The following CASK variants were observed in gnomAD, a reference collection of about 807,000 sequenced individuals.
CASK encodes the protein calcium/calmodulin dependent serine protein kinase, also known as peripheral plasma membrane protein CASK.
In CASK, 4 loss-of-function variants were observed where a neutral mutation model predicts 82.9. The observed-to-expected ratio is 0.05, with a 90% CI of 0.02 to 0.11. The LOEUF (loss-of-function observed/expected upper bound fraction) is 0.11, where lower values mean the gene tolerates loss of function less well. Among genes scored for constraint, CASK ranks in the 10% least tolerant of loss-of-function variants. The pLI is 1.00. For missense variants in CASK, 358 were observed against 720.9 expected (o/e 0.50, Z 5.76); for synonymous variants, 259 against 253.5 (o/e 1.02, Z -0.20).
chrX:41,562,645 AT>A (rs1041603948), intron 16 of CASK: 1 of 112,119 alleles, frequency 8.9e-6, no homozygotes, highest in African/African-American at 3.2e-5. Context: ...TCAATGAAAA[AT>A]ATCATAATAG....
Position 41,557,952 on chromosome X carries a change from AT to A in CASK, c.1738-853del, listed in dbSNP as rs746985441. Among the ~76,000 whole-genome samples, 510 of 111,005 alleles carry A rather than the reference AT, an allele frequency of 4.6e-3. 4 individuals carry two copies. The highest frequency in any genetic ancestry group is 0.016 in the African/African-American group (477 of 30,476). ...AAATGTGCATGTCTTTTTAAAAGAC[AT>A]TTTTTTTCCCCAGATGACTTAAGAG... On this transcript the variant is annotated intron_variant, in intron 18 of 26. Coordinates refer to ENST00000378163, the MANE Select transcript of CASK (RefSeq NM_001367721.1).
intron 11 of CASK, among the ~76,000 whole-genome samples, chrX:41,615,735 C>A (rs184985105): frequency 1.8e-5 from 2 of 109,566 alleles, no homozygotes; most frequent in Non-Finnish European, 3.8e-5. Flanking sequence ...TGGGTTCAAG[C>A]GATTCTCGTG....
intron 5 of CASK, among the ~76,000 whole-genome samples, chrX:41,706,740 C>A (rs1225748845): frequency 9.0e-6 from 1 of 111,671 alleles, no homozygotes; most frequent in Non-Finnish European, 1.9e-5. Context: ...TAGCCTCAAA[C>A]TCCTGGGCTC....
Position 41,568,729 on chromosome X carries a change from G to A in CASK, c.1582+939C>T, listed in dbSNP as rs779127690. 3.6e-5 allele frequency among the ~76,000 whole-genome samples: 4 copies of A among 112,155 alleles called. No homozygotes were observed. In the South Asian group the frequency reaches 1.5e-3, roughly 42 times the overall value. ...AAAAATCATTCTTCGAGCTGGGCAA[G>A]GTAGCTCATGCCTATAATCCCAGCA... is the stretch of plus-strand genomic sequence containing the variant. On this transcript the variant is annotated intron_variant, in intron 16 of 26. Transcript: ENST00000378163.
intron 6 of CASK, among the ~76,000 whole-genome samples, chrX:41,667,235 T>C (rs1028696935): frequency 8.1e-5 from 9 of 111,600 alleles, no homozygotes; most frequent in African/African-American, 2.3e-4. Flanking sequence ...TCACAGATGA[T>C]AGGGGAAAAA....
intron 25 of CASK, among the ~76,000 whole-genome samples, chrX:41,526,491 C>T (rs1208623859): frequency 8.9e-6 from 1 of 112,111 alleles, no homozygotes; most frequent in African/African-American, 3.2e-5. Flanking sequence ...CACATTACAA[C>T]AGCAGAAAAC....
chrX:41,646,782 C>T (rs1321769360), intron 8 of CASK, among the ~76,000 whole-genome samples: 3 of 111,130 alleles, frequency 2.7e-5, no homozygotes, highest in Non-Finnish European at 5.7e-5. Flanking sequence ...ATCAAACCGT[C>T]CGATGCATCA....
At chrX:41,763,061 AAG>A (rs2069033629) in intron 3 of CASK, among the ~76,000 whole-genome samples, 1 of 111,067 alleles carries the variant, frequency 9.0e-6, no homozygotes, top group Admixed American at 9.6e-5. Flanking sequence ...TTCTAGAAAA[AAG>A]GGGGGGAAAC....
Position 41,578,325 on chromosome X carries a change from T to C in CASK, c.1503+15A>G, listed in dbSNP as rs371792840. On this transcript the variant is annotated intron_variant, in intron 15 of 26. Transcript: ENST00000378163. ...GATCTTATGAGAGTATTGAAAACTT[T>C]CTCTTCCTACTTACCATTGGTTCAT... 1.2e-5 allele frequency: 14 copies of C among 1,176,727 alleles called. No homozygotes were observed. In the African/African-American group the frequency reaches 2.3e-4, roughly 19 times the overall value.
chrX:41,524,209 T>C (rs1038913176), intron 25 of CASK, 175 bp from the exon 26 acceptor site: 4 of 439,404 alleles, frequency 9.1e-6, no homozygotes, highest in Non-Finnish European at 1.6e-5. Flanking sequence ...TTACTTTTTT[T>C]CTAAAGGATG....
At chrX:41,678,180 A>G (rs1405790988) in intron 5 of CASK, among the ~76,000 whole-genome samples, 3 of 112,161 alleles carry the variant, frequency 2.7e-5, no homozygotes, top group African/African-American at 9.7e-5. Context: ...AGAACAGACT[A>G]AAAAAAGAAG....
chrX:41,525,960 T>C lies in CASK; in HGVS notation c.2521-1926A>G, dbSNP rs146608867. ...TAACTCTTAAAGTCCTAGGCTCTGA[T>C]TCTTCTGGTAAGAAAGCTCTTTAAG... is the stretch of plus-strand genomic sequence containing the variant. On this transcript the variant is annotated intron_variant, in intron 25 of 26. Transcript: ENST00000378163. Among the ~76,000 whole-genome samples, 682 of 112,353 alleles carry C rather than the reference T, an allele frequency of 6.1e-3. 2 individuals are homozygous for C. The highest frequency in any genetic ancestry group is 0.02 in the African/African-American group (611 of 30,971).
chrX:41,600,944 C>T (rs2065885891), intron 12 of CASK, among the ~76,000 whole-genome samples: 1 of 111,609 alleles, frequency 9.0e-6, no homozygotes, highest in Non-Finnish European at 1.9e-5. Context: ...CTAACACATG[C>T]TACAACATGG....
chrX:41,836,885 T>C (rs1430825566), intron 2 of CASK, among the ~76,000 whole-genome samples: 1 of 112,348 alleles, frequency 8.9e-6, no homozygotes, highest in Admixed American at 9.4e-5. Flanking sequence ...ATTCATTAAC[T>C]AAACCAGTAA....
chrX:41,873,927 T>G (rs1187456156), intron 1 of CASK, among the ~76,000 whole-genome samples: 1 of 107,996 alleles, frequency 9.3e-6, no homozygotes, highest in Admixed American at 9.9e-5. Context: ...AGTGGCTGGG[T>G]CTATAGGCGC....
intron 5 of CASK, among the ~76,000 whole-genome samples, chrX:41,725,769 TC>T (rs2068248898): frequency 8.9e-6 from 1 of 112,117 alleles, no homozygotes; most frequent in African/African-American, 3.2e-5. Flanking sequence ...AAACATCATA[TC>T]CTTTAAAAAA....
At chrX:41,770,257 CATCTATCTATCTATCTATCT>C (rs751579544) in intron 3 of CASK, among the ~76,000 whole-genome samples, 3 of 86,539 alleles carry the variant, frequency 3.5e-5, no homozygotes, top group Admixed American at 2.7e-4. Context: ...ATCTATCTAT[CATCTATCTATCTATCTATCT>C]ATCTATCTAT....
At chrX:41,642,749 T>A (rs2066681347) in intron 8 of CASK, among the ~76,000 whole-genome samples, 1 of 112,274 alleles carries the variant, frequency 8.9e-6, no homozygotes, top group Non-Finnish European at 1.9e-5. Context: ...CTCTTTAGCT[T>A]AATTAGATCC....
At chrX:41,578,602 A>T in intron 14 of CASK, 74 bp from the exon 15 acceptor site, 1 of 789,821 alleles carries the variant, frequency 1.3e-6, no homozygotes, top group East Asian at 3.5e-5. Flanking sequence ...TTATTTATTT[A>T]TTTTGAGACA....
Sources: gnomAD v4.1 joint callset for allele counts (sites outside exome capture counted in the v4.1 genomes callset) on GRCh38, gnomAD v4.1.1 for gene constraint, MANE v1.5 for transcripts, NCBI Gene and HGNC (gene_info 2026-07-23, HGNC 2026-07-21) for gene names.